The following CD101 variants were observed in gnomAD, a reference collection of about 807,000 sequenced individuals.
CD101 encodes the protein immunoglobulin superfamily member 2.
CD101 carries 76 observed loss-of-function variants against 98.2 expected under a neutral mutation model. The observed-to-expected ratio is 0.77, with a 90% CI of 0.64 to 0.94. The LOEUF is 0.94. CD101 is among the 40% of genes least tolerant of loss of function. The probability of loss-of-function intolerance (pLI) is 0.00; values close to 1 mark genes in which losing one functional copy is unlikely to be tolerated. For synonymous variants in CD101, 471 were observed against 472.7 expected (o/e 1.00, Z 0.05); for missense variants, 1,145 against 1,218.8 (o/e 0.94, Z 0.90).
rs1325494821 is a variant in CD101 at position 117,017,128 on chromosome 1, G to C, written c.1267G>C (p.Val423Leu). 4 of 1,614,186 alleles carry C rather than the reference G, an allele frequency of 2.5e-6. No individual in the cohort carries two copies. Among genetic ancestry groups the C allele is most frequent in the Non-Finnish European group, 3.4e-6 (4 of 1,180,010 alleles). Residue 423 changes from valine (V) to leucine (L), a missense_variant, in exon 5 of 10, where the codon GTT (valine) becomes CTT (leucine). Physicochemically the swap from Val to Leu is conservative, Grantham distance 32 (BLOSUM62 1). Transcript: ENST00000682167. The stretch of plus-strand genomic sequence containing the variant: ...CATGTCTACCAAGAACAAGCAGCAA[G>C]TTGTGTGGGAAGGAGAGACACTCGC... ...VVMSTKNKQQ[V>L]VWEGETLAFL...
rs898294479 is a variant in CD101 at position 117,018,685 on chromosome 1, A to G, written c.2017+125A>G. ...CCATATTTGTTCTATCTAAGTAAGC[A>G]CCACATGATGAATGATACCCAGGTT... On this transcript the variant is annotated intron_variant, in intron 6 of 9. Coordinates refer to ENST00000682167, the MANE Select transcript of CD101 (RefSeq NM_001256106.3). This position sits in a 1 kb window ranked among gnomAD's most constrained non-coding sequence, Gnocchi z 4.3. 5 of 894,992 alleles carry G rather than the reference A, an allele frequency of 5.6e-6. No individual in the cohort carries two copies. In the African/African-American group the frequency reaches 8.4e-5, roughly 15 times the overall value. The allele number at this position is 894,992 out of a possible 1,614,324, so 55.4% of individuals were successfully genotyped here.
At chr1:117,008,268 C>G (rs1464915783) in intron 1 of CD101, among the ~76,000 whole-genome samples, 1 of 152,040 alleles carries the variant, frequency 6.6e-6, no homozygotes, top group Non-Finnish European at 1.5e-5. Context: ...AGTTCGAGAC[C>G]AGCCTGGCCA....
intron 4 of CD101, 48 bp downstream of exon 4, chr1:117,013,840 C>T: frequency 6.5e-7 from 1 of 1,535,742 alleles, no homozygotes; most frequent in Non-Finnish European, 8.8e-7. Flanking sequence ...TTCAGATGCC[C>T]CCTTGTCAGT....
rs1652974704 is a variant in CD101 at position 117,012,920 on chromosome 1, C to A, written c.842-486C>A. ...ATTATTGTGTTCCACTAAAAATTGT[C>A]CTGTTGGCCTCAAGTATCCAAGTTA... On this transcript the variant is annotated intron_variant, in intron 3 of 9. Coordinates refer to ENST00000682167, the MANE Select transcript of CD101 (RefSeq NM_001256106.3). This position sits in a 1 kb window ranked among gnomAD's most constrained non-coding sequence, Gnocchi z 4.0. Among the ~76,000 whole-genome samples, 1 of 152,070 alleles carries A rather than the reference C, an allele frequency of 6.6e-6. No individual in the cohort carries two copies. Among genetic ancestry groups the A allele is most frequent in the Non-Finnish European group, 1.5e-5 (1 of 68,016 alleles).
Position 117,012,016 on chromosome 1 carries a change from G to T in CD101, c.841+50G>T. ...TTAATACACTAGTATTAGGTAGTGG[G>T]TATTTATGAGGTATGTTTTAATTTT... is the stretch of plus-strand genomic sequence containing the variant. On this transcript the variant is annotated intron_variant, in intron 3 of 9. Coordinates refer to ENST00000682167, the MANE Select transcript of CD101 (RefSeq NM_001256106.3). The surrounding 1 kb of genome is among the most constrained non-coding windows in gnomAD (Gnocchi z 4.0). 1 of 1,442,056 alleles carries T rather than the reference G, an allele frequency of 6.9e-7. No individual in the cohort carries two copies. The highest frequency in any genetic ancestry group is 9.5e-7 in the Non-Finnish European group (1 of 1,057,564). The allele number at this position is 1,442,056 out of a possible 1,614,324, so 89.3% of individuals were successfully genotyped here.
At position 117,023,505 on chromosome 1, in the gene CD101, C is replaced by T. The variant is rs1570734599; in HGVS notation, c.2428+1522C>T. 6.6e-6 allele frequency among the ~76,000 whole-genome samples: 1 copy of T among 152,148 alleles called. No individual in the cohort carries two copies. Among genetic ancestry groups the T allele is most frequent in the East Asian group, 1.9e-4 (1 of 5,174 alleles). The stretch of plus-strand genomic sequence containing the variant: ...GATCTTAGCTCACTGCAACCTCCTC[C>T]TCCTGGGTTCAAGCAATTCTCCTGC... On this transcript the variant is annotated intron_variant, in intron 7 of 9. Transcript: ENST00000682167. This position sits in a 1 kb window ranked among gnomAD's most constrained non-coding sequence, Gnocchi z 4.4.
Position 117,033,434 on chromosome 1 carries a change from G to C in CD101, c.2825-426G>C, listed in dbSNP as rs374692465. ...TGTGTGTGTATGTGTGTGTGAGAAAGAGTGTGTGCCTGTGTGTTGGAGGAG... is the reference window on the plus strand; with the variant it reads ...TGTGTGTGTATGTGTGTGTGAGAAACAGTGTGTGCCTGTGTGTTGGAGGAG... On this transcript the variant is annotated intron_variant, in intron 8 of 9. Transcript: ENST00000682167. The surrounding 1 kb of genome is among the most constrained non-coding windows in gnomAD (Gnocchi z 4.8). Among the ~76,000 whole-genome samples the C allele has an allele frequency of 6.6e-6, 1 of 152,174 alleles. No individual in the cohort carries two copies. The highest frequency in any genetic ancestry group is 6.5e-5 in the Admixed American group (1 of 15,288).
chr1:117,018,188 C>G lies in CD101; in HGVS notation c.1645C>G (p.Gln549Glu). Residue 549 changes from glutamine to glutamate, a missense_variant, in exon 6 of 10, where the codon CAG becomes GAG. Coordinates refer to ENST00000682167, the MANE Select transcript of CD101 (RefSeq NM_001256106.3). This position sits in a 1 kb window ranked among gnomAD's most constrained non-coding sequence, Gnocchi z 4.3. ...TTTACAAGTTAGTCTGATGAGCCGT[C>G]AGCCGCAAGTGATGTTAACCAACAC... ...SSLQVSLMSR[Q>E]PQVMLTNTFD... 1 of 1,605,880 alleles carries G rather than the reference C, an allele frequency of 6.2e-7. No homozygotes were observed. The highest frequency in any genetic ancestry group is 8.5e-7 in the Non-Finnish European group (1 of 1,174,736).
intron 7 of CD101, among the ~76,000 whole-genome samples, chr1:117,024,908 G>A (rs1653808705): frequency 6.6e-6 from 1 of 152,206 alleles, no homozygotes; most frequent in Non-Finnish European, 1.5e-5. Flanking sequence ...TCAAGGGTAA[G>A]TAAAAGCAGC....
At chr1:117,034,522 A>G (rs1654683130) in intron 9 of CD101, among the ~76,000 whole-genome samples, 1 of 152,194 alleles carries the variant, frequency 6.6e-6, no homozygotes, top group Non-Finnish European at 1.5e-5. Context: ...GGTGTAGGAA[A>G]GGACCTGATG....
rs192424330 is a variant in CD101 at position 117,018,157 on chromosome 1, G to A, written c.1614G>A (p.Glu538=). ...QKISVTVKSL[E]SSLQVSLMSR... is the part of the protein sequence containing the mutation. ...ATTCTGTTTCATTTTTCTGTCTAGA[G>A]TCAAGTTTACAAGTTAGTCTGATGA... The change falls in exon 6 of 10, where the codon GAG becomes GAA. Residue 538 remains glutamate (E), a splice_region_variant and synonymous_variant. Transcript: ENST00000682167. The surrounding 1 kb of genome is among the most constrained non-coding windows in gnomAD (Gnocchi z 4.3). The A allele has an allele frequency of 9.6e-5, 152 of 1,578,612 alleles. No homozygotes were observed. Among genetic ancestry groups the A allele is most frequent in the Non-Finnish European group, 3.2e-5 (37 of 1,161,598 alleles).
chr1:117,035,952 T>A (rs149938927), intron 9 of CD101, among the ~76,000 whole-genome samples: 111 of 152,152 alleles, frequency 7.3e-4, no homozygotes, highest in African/African-American at 2.6e-3. Context: ...GGGCAGAGAA[T>A]CTTGGATGGA....
At chr1:117,029,228 AG>A (rs2101158001) in intron 8 of CD101, among the ~76,000 whole-genome samples, 1 of 83,878 alleles carries the variant, frequency 1.2e-5, no homozygotes, top group East Asian at 2.5e-4. Context: ...AAAGAAAGAA[AG>A]AAAGAAAGAA....
Position 117,025,565 on chromosome 1 carries a change from G to A in CD101, c.2485G>A (p.Glu829Lys), listed in dbSNP as rs1379888780. 1 of 1,611,514 alleles carries A rather than the reference G, an allele frequency of 6.2e-7. No individual in the cohort carries two copies. The highest frequency in any genetic ancestry group is 1.7e-5 in the Admixed American group (1 of 59,916). Residue 829 changes from glutamate (E) to lysine (K), a missense_variant, in exon 8 of 10, where the codon GAA becomes AAA. Transcript: ENST00000682167. ...GACCGAAAATGTGACTGAGCACAGA[G>A]AAGTGGCCATCCGCTGCAGCCTGGA... is the stretch of plus-strand genomic sequence containing the variant. ...YWTENVTEHR[E>K]VAIRCSLESV...
At chr1:117,020,459 G>A (rs1171889025) in intron 6 of CD101, among the ~76,000 whole-genome samples, 5 of 152,284 alleles carry the variant, frequency 3.3e-5, no homozygotes, top group Middle Eastern at 3.4e-3. Flanking sequence ...CACAAGGATC[G>A]CTTGAGCACA....
intron 8 of CD101, among the ~76,000 whole-genome samples, chr1:117,031,759 A>C (rs1654480409): frequency 6.6e-6 from 1 of 152,220 alleles, no homozygotes. Flanking sequence ...TGTTATCCCT[A>C]TTTGGTTGAT....
chr1:117,034,835 C>G (rs1289144792), intron 9 of CD101, among the ~76,000 whole-genome samples: 1 of 152,138 alleles, frequency 6.6e-6, no homozygotes, highest in East Asian at 1.9e-4. Context: ...CAGTCAGCCC[C>G]CCAAGGCCTC....
intron 8 of CD101, among the ~76,000 whole-genome samples, chr1:117,029,187 GAAAGAAA>G (rs1557778721): frequency 0.054 from 5,017 of 92,736 alleles, 451 homozygotes; most frequent in African/African-American, 0.082. Flanking sequence ...AAGAAAGAAA[GAAAGAAA>G]GAAAGAAAGA....
Position 117,036,141 on chromosome 1 carries a change from A to T in CD101, c.*34-27A>T, listed in dbSNP as rs2296448. On this transcript the variant is annotated intron_variant, in intron 9 of 9. Coordinates refer to ENST00000682167, the MANE Select transcript of CD101 (RefSeq NM_001256106.3). The surrounding 1 kb of genome is among the most constrained non-coding windows in gnomAD (Gnocchi z 5.0). ...CTCCTGGGAAAGCAGACATTTAACC[A>T]ACTTGAGCAATCAGCTTGTTTTACA... 0.064 allele frequency: 9,730 copies of T among 152,282 alleles called. 420 individuals carry two copies. Among genetic ancestry groups the T allele is most frequent in the East Asian group, 0.12 (646 of 5,176 alleles). The allele number at this position is 152,282 out of a possible 1,614,324, so 9.4% of individuals were successfully genotyped here. A position where few individuals can be genotyped will look rare whatever the true frequency, so the allele number is the denominator to read the frequency against.
Sources: gnomAD v4.1 joint callset for allele counts (sites outside exome capture counted in the v4.1 genomes callset) on GRCh38, gnomAD v4.1.1 for gene constraint, Gnocchi (gnomAD v3.1) non-coding constraint, MANE v1.5 for transcripts, NCBI Gene and HGNC (gene_info 2026-07-23, HGNC 2026-07-21) for gene names.